Variants in TRAPPC2L observed in about 807,000 individuals in gnomAD.
TRAPPC2L encodes the protein trafficking protein particle complex subunit 2-like protein.
TRAPPC2L carries 17 observed loss-of-function variants against 13.2 expected under a neutral mutation model. That is an observed-to-expected ratio of 1.29 (90% CI 0.88 to 1.93). TRAPPC2L has a LOEUF of 1.93. Ranked by LOEUF, TRAPPC2L falls within the 30% of genes most tolerant of loss-of-function variation. TRAPPC2L has a pLI of 0.00. For synonymous variants in TRAPPC2L, 150 were observed against 98.1 expected (o/e 1.53, Z -3.12); for missense variants, 359 against 252.1 (o/e 1.42, Z -2.87).
chr16:88,859,167 C>T (rs1968199850), intron 2 of TRAPPC2L: 1 of 440,056 alleles, frequency 2.3e-6, no homozygotes, highest in Non-Finnish European at 4.3e-6. Flanking sequence ...TCTTATGTCA[C>T]TAGACACTCG....
upstream of TRAPPC2L, chr16:88,856,510 T>G: frequency 1.4e-6 from 1 of 697,630 alleles, no homozygotes; most frequent in Non-Finnish European, 2.6e-6. Context: ...TGGTGATCGG[T>G]GACCGCCGAG....
At chr16:88,858,558 C>T in intron 1 of TRAPPC2L, 61 bp from the exon 2 acceptor site, 1 of 1,573,906 alleles carries the variant, frequency 6.4e-7, no homozygotes, top group South Asian at 1.2e-5. Flanking sequence ...CAGCATAGTT[C>T]AGAGCTGGTG....
chr16:88,860,095 AT>A lies in TRAPPC2L; in HGVS notation c.498del (p.Pro168LeufsTer6), dbSNP rs1410565134. On this transcript the variant is annotated frameshift_variant, in exon 4 of 4. Coordinates refer to ENST00000565504, the Ensembl canonical transcript of TRAPPC2L. LOFTEE classifies it low-confidence loss of function (END_TRUNC). ...AAGATCTTTTTAAGCTATGAGCACC[AT>A]CCCCCTAGGGCAGAGGTTTTAAAGC... 1 of 920,238 alleles carries A rather than the reference AT, an allele frequency of 1.1e-6. No individual in the cohort carries two copies. Among genetic ancestry groups the A allele is most frequent in the East Asian group, 2.5e-5 (1 of 39,476 alleles). 57.0% of individuals were successfully genotyped at this position (920,238 alleles called of 1,614,324 possible).
chr16:88,862,526 G>T (rs1968454396), exon 4 of TRAPPC2L: 1 of 67,776 alleles, frequency 1.5e-5, no homozygotes, highest in African/African-American at 9.9e-5. Flanking sequence ...ACACCCTAAG[G>T]ACAGTGGAGC....
chr16:88,857,422 C>T (rs1968014169), intron 1 of TRAPPC2L: 1 of 485,642 alleles, frequency 2.1e-6, no homozygotes, highest in East Asian at 3.6e-5. Context: ...CAGCAGGTCT[C>T]CTCCCCGCCA....
At chr16:88,856,709 C>T (rs1372147095), upstream of TRAPPC2L, 6 of 651,072 alleles carry the variant, frequency 9.2e-6, no homozygotes, top group Non-Finnish European at 1.6e-5. Context: ...TCCGCCCCTC[C>T]CCTCCCCGCC....
upstream of TRAPPC2L, chr16:88,856,574 C>G: frequency 3.5e-6 from 2 of 577,676 alleles, no homozygotes; most frequent in Non-Finnish European, 6.3e-6. Flanking sequence ...CCTCCCCGCA[C>G]GGGGATACCC....
intron 1 of TRAPPC2L, among the ~76,000 whole-genome samples, chr16:88,857,608 G>T (rs1356645719): frequency 6.6e-6 from 1 of 152,248 alleles, no homozygotes; most frequent in African/African-American, 2.4e-5. Flanking sequence ...CTCTGCCTGA[G>T]ACCTCTGCAG....
upstream of TRAPPC2L, chr16:88,856,554 G>A: frequency 1.5e-6 from 1 of 679,760 alleles, no homozygotes; most frequent in Admixed American, 2.0e-5. Context: ...CACTCCCCGA[G>A]GGGCCTCCCC....
chr16:88,861,861 G>A, exon 4 of TRAPPC2L: 1 of 306,582 alleles, frequency 3.3e-6, no homozygotes, highest in Non-Finnish European at 6.6e-6. Context: ...CAGGACCTAG[G>A]GAGGGGAACT....
chr16:88,860,846 C>T lies in TRAPPC2L; in HGVS notation c.*522C>T, dbSNP rs760837738. The T allele has an allele frequency of 8.0e-5, 121 of 1,520,198 alleles. No individual in the cohort carries two copies. In the African/African-American group the frequency reaches 1.3e-3, roughly 16 times the overall value. 94.2% of individuals were successfully genotyped at this position (1,520,198 alleles called of 1,614,324 possible). On this transcript the variant is annotated 3_prime_UTR_variant, in exon 4 of 4. Coordinates refer to ENST00000565504, the Ensembl canonical transcript of TRAPPC2L. ...ATCCTGTGGATGGAGCCATGCTGCC[C>T]GGCCCGTCTCTGAGCAGAGGGGTGG...
At chr16:88,857,124 G>T, upstream of TRAPPC2L, 1 of 1,547,314 alleles carries the variant, frequency 6.5e-7, no homozygotes, top group Non-Finnish European at 8.7e-7. Flanking sequence ...GTCACGTGAC[G>T]CGGTGCCTGG....
intron 1 of TRAPPC2L, among the ~76,000 whole-genome samples, chr16:88,857,831 C>T (rs1032955539): frequency 3.3e-5 from 5 of 152,234 alleles, no homozygotes; most frequent in African/African-American, 7.2e-5. Flanking sequence ...AAAGCATTTT[C>T]TGAAGGCTAA....
At chr16:88,857,082 CG>C, upstream of TRAPPC2L, 1 of 1,527,224 alleles carries the variant, frequency 6.5e-7, no homozygotes. Flanking sequence ...GCGGATGGGG[CG>C]GGGCTTTGGA....
rs763418033 is a variant in TRAPPC2L at position 88,860,008 on chromosome 16, C to T, written c.410C>T (p.Ser137Phe). 53 of 1,483,180 alleles carry T rather than the reference C, an allele frequency of 3.6e-5. No individual in the cohort carries two copies. In the South Asian group the frequency reaches 4.2e-4, roughly 12 times the overall value. The allele number at this position is 1,483,180 out of a possible 1,614,324, so 91.9% of individuals were successfully genotyped here. ...CTTTCTGTGTCTTGCCACCTTCTTTCTGTAGGACATGCCTTGCCATTTTGG... is the reference window on the plus strand; with the variant it reads ...CTTTCTGTGTCTTGCCACCTTCTTTTTGTAGGACATGCCTTGCCATTTTGG... Residue 137 changes from serine (S) to phenylalanine (F), a missense_variant, in exon 4 of 4, where the codon TCT (serine) becomes TTT (phenylalanine). Physicochemically the swap from Ser to Phe is radical, Grantham distance 155. Transcript: ENST00000565504.
At chr16:88,859,199 A>C in intron 2 of TRAPPC2L, 1 of 484,728 alleles carries the variant, frequency 2.1e-6, no homozygotes, top group Non-Finnish European at 4.0e-6. Flanking sequence ...GGGACAAATC[A>C]CTTGAGGCCA....
At chr16:88,861,982 C>G (rs1227228223) in exon 4 of TRAPPC2L, 1 of 220,410 alleles carries the variant, frequency 4.5e-6, no homozygotes, top group East Asian at 1.6e-4. Context: ...TGCCCCAGGC[C>G]TCCCCCGCCC....
upstream of TRAPPC2L, chr16:88,856,749 C>A: frequency 2.0e-6 from 3 of 1,512,154 alleles, no homozygotes; most frequent in Non-Finnish European, 2.6e-6. Context: ...TCCCACCGCC[C>A]GCACTCACGT....
chr16:88,856,251 G>C, upstream of TRAPPC2L: 2 of 703,068 alleles, frequency 2.8e-6, no homozygotes, highest in Admixed American at 4.0e-5. Context: ...CGTCAGGTAA[G>C]ACTGGAGCCC....
Sources: allele counts gnomAD v4.1 joint callset (sites outside exome capture counted in the v4.1 genomes callset), GRCh38; gene constraint gnomAD v4.1.1; transcripts MANE v1.5; gene names NCBI Gene and HGNC (gene_info 2026-07-23, HGNC 2026-07-21).